Variants in SSPN observed in about 807,000 individuals in gnomAD.
The protein encoded by SSPN is sarcospan, also known as K-ras oncogene-associated protein.
A neutral mutation model predicts 19.1 loss-of-function variants in SSPN; 15 were observed. The ratio of observed to expected loss-of-function variants is 0.78; its 90% confidence interval spans 0.52 to 1.21. The LOEUF (loss-of-function observed/expected upper bound fraction) is 1.21, where lower values mean the gene tolerates loss of function less well. SSPN is among the 50% of genes most tolerant of loss of function. The probability of loss-of-function intolerance (pLI) is 0.00; values close to 1 mark genes in which losing one functional copy is unlikely to be tolerated. For synonymous variants in SSPN, 147 were observed against 140.3 expected (o/e 1.05, Z -0.34); for missense variants, 291 against 314.0 (o/e 0.93, Z 0.55).
At chr12:26,191,175 T>C (rs1345241784), upstream of SSPN, among the ~76,000 whole-genome samples, 2 of 152,220 alleles carry the variant, frequency 1.3e-5, no homozygotes, top group East Asian at 1.9e-4. Context: ...ATTTCTCAAT[T>C]AAAATAAATT....
intron 1 of SSPN, among the ~76,000 whole-genome samples, chr12:26,161,001 A>T (rs910074415): frequency 7.9e-5 from 12 of 151,182 alleles, no homozygotes; most frequent in Admixed American, 2.6e-4. Context: ...TTAGCTACTC[A>T]GGAGGTCTAG....
At chr12:26,169,790 A>T (rs1944643484) in intron 1 of SSPN, among the ~76,000 whole-genome samples, 2 of 152,128 alleles carry the variant, frequency 1.3e-5, no homozygotes, top group African/African-American at 2.4e-5. Context: ...TTCCTATGCA[A>T]GTTTGAAAAT....
chr12:26,194,535 G>A (rs897780433), upstream of SSPN, among the ~76,000 whole-genome samples: 1 of 152,208 alleles, frequency 6.6e-6, no homozygotes, highest in African/African-American at 2.4e-5. Context: ...ACAGGTGCGT[G>A]CCACCACGCC....
intron 1 of SSPN, among the ~76,000 whole-genome samples, chr12:26,126,926 CCT>C (rs1944369902): frequency 6.6e-6 from 1 of 152,258 alleles, no homozygotes; most frequent in East Asian, 1.9e-4. Flanking sequence ...CTCGGTCCGA[CCT>C]CTCTCCTATT....
chr12:26,122,991 G>C (rs774365575), intron 1 of SSPN: 3 of 1,565,794 alleles, frequency 1.9e-6, no homozygotes, highest in Non-Finnish European at 1.7e-6. Flanking sequence ...CTGCGGGGTG[G>C]GCAAGAACTG....
chr12:26,224,356 A>AC lies in SSPN; in HGVS notation c.344dup (p.Cys116MetfsTer41), dbSNP rs769438340. 6.2e-7 allele frequency: 1 copy of AC among 1,613,782 alleles called. No individual in the cohort carries two copies. The highest frequency in any genetic ancestry group is 8.5e-7 in the Non-Finnish European group (1 of 1,179,708). On this transcript the variant is annotated frameshift_variant, in exon 2 of 3. Transcript: ENST00000242729. LOFTEE classifies it high-confidence loss of function. Reference sequence around the variant, plus strand: ...TGTCTCATATCAGGTTGACGAACGGACATGTATTCAATTTTCTATGAAAGT... The same window carrying AC: ...TGTCTCATATCAGGTTGACGAACGGACCATGTATTCAATTTTCTATGAAAGT...
intron 1 of SSPN, chr12:26,124,583 C>A (rs1279494490): frequency 6.2e-7 from 1 of 1,614,086 alleles, no homozygotes; most frequent in Non-Finnish European, 8.5e-7. Context: ...ATAGTCCAGT[C>A]TGCAAAACAG....
intron 1 of SSPN, chr12:26,124,057 A>G (rs373921384): frequency 7.2e-6 from 11 of 1,538,056 alleles, no homozygotes; most frequent in Non-Finnish European, 9.0e-6. Context: ...CAAAGAATGA[A>G]AATGTGCATC....
chr12:26,172,969 G>A (rs1208903405), intron 1 of SSPN, among the ~76,000 whole-genome samples: 1 of 152,050 alleles, frequency 6.6e-6, no homozygotes, highest in African/African-American at 2.4e-5. Context: ...ACAGCCCTGA[G>A]GAGAGTAAAG....
At chr12:26,219,483 A>G in intron 1 of SSPN, among the ~76,000 whole-genome samples, 1 of 44 alleles carries the variant, frequency 0.023, no homozygotes, top group Non-Finnish European at 0.045. Context: ...CACATCCACA[A>G]AAAATGGATT....
chr12:26,209,795 CGTGTGT>C (rs56680376), intron 1 of SSPN, among the ~76,000 whole-genome samples: 40,551 of 144,806 alleles, frequency 0.28, 6,210 homozygotes, highest in African/African-American at 0.43. Flanking sequence ...ATTCTTAGAG[CGTGTGT>C]GTGTGTGTGT....
intron 1 of SSPN, among the ~76,000 whole-genome samples, chr12:26,222,281 A>G (rs887743003): frequency 6.6e-6 from 1 of 152,236 alleles, no homozygotes; most frequent in Non-Finnish European, 1.5e-5. Flanking sequence ...TTGGCTTTTG[A>G]CTTCATGGTC....
chr12:26,135,141 C>T (rs1944418020), intron 1 of SSPN: 1 of 152,196 alleles, frequency 6.6e-6, no homozygotes, highest in Non-Finnish European at 1.5e-5. Context: ...CACAGGTGCT[C>T]CAGAGACCGT....
intron 1 of SSPN, among the ~76,000 whole-genome samples, chr12:26,150,408 A>G (rs539878946): frequency 5.1e-4 from 78 of 152,252 alleles, no homozygotes; most frequent in Non-Finnish European, 7.8e-4. Flanking sequence ...AGTTTCACAG[A>G]CTGATGCTAT....
rs201670884 is a variant in SSPN at position 26,213,763 on chromosome 12, T to A, written c.280-10530T>A. Among the ~76,000 whole-genome samples the A allele has an allele frequency of 3.3e-5, 5 of 152,310 alleles. No individual in the cohort carries two copies. The East Asian group carries it at 7.7e-4, about 23-fold the overall frequency. On this transcript the variant is annotated intron_variant, in intron 1 of 2. Transcript: ENST00000242729. ...TTATTATTTGTATTTTACTAATCAC[T>A]GTATGTCATGTTTGTTGGGAAAAGA... is the stretch of plus-strand genomic sequence containing the variant.
In SSPN at chr12:26,230,951, T is replaced by G; in HGVS notation, c.607T>G (p.Leu203Val). 1 of 1,614,188 alleles carries G rather than the reference T, an allele frequency of 6.2e-7. No homozygotes were observed. The highest frequency in any genetic ancestry group is 1.7e-5 in the Admixed American group (1 of 60,034). The change falls in exon 3 of 3, where the codon TTG becomes GTG. Residue 203 changes from leucine to valine, a missense_variant. Physicochemically the swap from Leu to Val is conservative, Grantham distance 32. Around this residue, in one of 3 missense-constraint regions of SSPN, gnomAD observed 141 missense variants for 166.7 expected, o/e 0.85. Coordinates refer to ENST00000242729, the MANE Select transcript of SSPN (RefSeq NM_005086.5). The stretch of plus-strand genomic sequence containing the variant: ...CTTACTCATCCAGATGATTCTTAAT[T>G]TGGTCTGCGGCCTTGTGTGCTTGTT... The part of the protein sequence containing the change: ...LFLLIQMILN[L>V]VCGLVCLLAC...
At chr12:26,194,575 G>A (rs545014612), upstream of SSPN, among the ~76,000 whole-genome samples, 17 of 152,326 alleles carry the variant, frequency 1.1e-4, no homozygotes, top group South Asian at 2.1e-4. Context: ...TAGTGGAGAC[G>A]GGGTTTCACC....
intron 1 of SSPN, among the ~76,000 whole-genome samples, chr12:26,163,649 A>C (rs1349542380): frequency 1.3e-5 from 2 of 152,190 alleles, no homozygotes; most frequent in Non-Finnish European, 2.9e-5. Context: ...TCTCATTAAG[A>C]GGGAGCAGCA....
At chr12:26,227,293 A>G (rs1945188516) in intron 2 of SSPN, among the ~76,000 whole-genome samples, 1 of 152,188 alleles carries the variant, frequency 6.6e-6, no homozygotes, top group African/African-American at 2.4e-5. Context: ...TTTATGTCTT[A>G]AAATGGATAA....
Sources: allele counts gnomAD v4.1 joint callset (sites outside exome capture counted in the v4.1 genomes callset), GRCh38; gene constraint gnomAD v4.1.1; regional missense constraint gnomAD v4.1.1; transcripts MANE v1.5; gene names NCBI Gene and HGNC (gene_info 2026-07-23, HGNC 2026-07-21).